The following SLC7A13 variants were observed in gnomAD, a reference collection of about 807,000 sequenced individuals.
SLC7A13 encodes X-amino acid transporter 2.
A neutral mutation model predicts 32.0 loss-of-function variants in SLC7A13; 31 were observed. The observed-to-expected ratio is 0.97, with a 90% CI of 0.73 to 1.31. The LOEUF is 1.31. SLC7A13 is among the 50% of genes most tolerant of loss of function. The probability of loss-of-function intolerance (pLI) is 0.00; values close to 1 mark genes in which losing one functional copy is unlikely to be tolerated. For synonymous variants in SLC7A13, 232 were observed against 206.9 expected (o/e 1.12, Z -1.04); for missense variants, 633 against 546.9 (o/e 1.16, Z -1.57).
chr8:86,220,838 A>G (rs1466271479), intron 2 of SLC7A13, among the ~76,000 whole-genome samples: 1 of 151,986 alleles, frequency 6.6e-6, no homozygotes, highest in African/African-American at 2.4e-5. Flanking sequence ...TACTAAAAAT[A>G]CAAAAATTAG....
intron 3 of SLC7A13, among the ~76,000 whole-genome samples, 154 bp from the exon 4 acceptor site, chr8:86,214,800 T>A (rs1428940387): frequency 6.6e-6 from 1 of 152,186 alleles, no homozygotes; most frequent in Non-Finnish European, 1.5e-5. Context: ...AGAAGTCAGA[T>A]AAATGCCTGA....
intron 2 of SLC7A13, 50 bp downstream of exon 2, chr8:86,222,920 ACG>A: frequency 1.4e-6 from 2 of 1,480,884 alleles, no homozygotes; most frequent in Non-Finnish European, 1.8e-6. Flanking sequence ...AATGATAGTT[ACG>A]TTGAAAGGAC....
rs546238180 is a variant in SLC7A13, at chr8:86,214,610, C to T, written c.1216G>A (p.Asp406Asn). Reference sequence around the variant, plus strand: ...AATGGTATCACAACCAAGCCCACGTCGATGACTATTGTTGCTAATGGAAAT... The same window carrying T: ...AATGGTATCACAACCAAGCCCACGTTGATGACTATTGTTGCTAATGGAAAT... ...LSFPLATIVI[D>N]VGLVVIPLVK... The change falls in exon 4 of 4, where the codon GAC (aspartate) becomes AAC (asparagine). Residue 406 changes from aspartate to asparagine, a missense_variant. Physicochemically the swap from Asp to Asn is conservative, Grantham distance 23. Transcript: ENST00000297524. 8.1e-6 allele frequency: 13 copies of T among 1,612,928 alleles called. No homozygotes were observed. In the South Asian group the frequency reaches 9.9e-5, roughly 12 times the overall value.
At chr8:86,216,304 C>A (rs959102596) in intron 3 of SLC7A13, among the ~76,000 whole-genome samples, 4 of 152,124 alleles carry the variant, frequency 2.6e-5, no homozygotes, top group Admixed American at 6.6e-5. Flanking sequence ...GGCCATCAGC[C>A]CTGCTCTAGA....
rs1820446294 is a variant in SLC7A13 at position 86,229,587 on chromosome 8, T to C, written c.685+6A>G. ...TTTTAGATTTTTTTCCTCAATGGAT[T>C]GTTACCTGCTATAAGTGTAAAGCAT... On this transcript the variant is annotated splice_donor_region_variant and intron_variant, in intron 1 of 3. Coordinates refer to ENST00000297524, the MANE Select transcript of SLC7A13 (RefSeq NM_138817.3). 2.5e-6 allele frequency: 4 copies of C among 1,603,226 alleles called. No homozygotes were observed. In the South Asian group the frequency reaches 4.5e-5, roughly 18 times the overall value.
In SLC7A13 at chr8:86,217,663, G is replaced by T; in HGVS notation, c.986C>A (p.Thr329Lys). ...QEGQLPLLFN[T>K]LNSHSSPFTA... ...AAATGGAGAAGAGTGACTATTAAGT[G>T]TATTAAATAGCAAAGGCAGCTGGCC... The change falls in exon 3 of 4, where the codon ACA becomes AAA. Residue 329 changes from threonine (T) to lysine (K), a missense_variant. Transcript: ENST00000297524. The T allele has an allele frequency of 1.1e-5, 18 of 1,613,290 alleles. No homozygotes were observed. The highest frequency in any genetic ancestry group is 1.5e-5 in the Non-Finnish European group (18 of 1,179,474).
chr8:86,217,471 T>G lies in SLC7A13; in HGVS notation c.1178A>C (p.Lys393Thr). 2 of 1,540,254 alleles carry G rather than the reference T, an allele frequency of 1.3e-6. No individual in the cohort carries two copies. Among genetic ancestry groups the G allele is most frequent in the South Asian group, 2.6e-5 (2 of 77,624 alleles). Residue 393 changes from lysine to threonine, a missense_variant and splice_region_variant, in exon 3 of 4, where the codon AAG (lysine) becomes ACG (threonine). By Grantham distance (78) the Lys-to-Thr change is moderately conservative. Transcript: ENST00000297524. ...YQEPNLSIPY[K>T]VFLSFPLATI... ...AAAGAATTAGAAATCCAATTTTACC[T>G]TATAAGGTATAGATAGATTGGGTTC...
rs763534958 is a variant in SLC7A13 at position 86,229,968 on chromosome 8, C to T, written c.310G>A (p.Gly104Arg). The T allele has an allele frequency of 1.9e-6, 3 of 1,614,136 alleles. No individual in the cohort carries two copies. Among genetic ancestry groups the T allele is most frequent in the South Asian group, 2.2e-5 (2 of 91,084 alleles). ...FLNLWTSLFL[G>R]SGVVAGQALL... is the part of the protein sequence containing the mutation. The stretch of plus-strand genomic sequence containing the variant: ...GCTTGGCCAGCAACTACCCCTGACC[C>T]CAGAAACAAGGATGTCCAGAGATTC... Residue 104 changes from glycine to arginine, a missense_variant, in exon 1 of 4, where the codon GGG (glycine) becomes AGG (arginine). Physicochemically the swap from Gly to Arg is moderately radical, Grantham distance 125. Transcript: ENST00000297524.
At chr8:86,222,231 G>A (rs538995810) in intron 2 of SLC7A13, among the ~76,000 whole-genome samples, 1 of 152,252 alleles carries the variant, frequency 6.6e-6, no homozygotes, top group East Asian at 1.9e-4. Context: ...AGTCCTAAAG[G>A]TACTGGGTGA....
At chr8:86,225,395 T>C (rs1419248035) in intron 1 of SLC7A13, among the ~76,000 whole-genome samples, 2 of 152,186 alleles carry the variant, frequency 1.3e-5, no homozygotes, top group Admixed American at 1.3e-4. Flanking sequence ...TCCTAGTGTT[T>C]AGCATATAAT....
At position 86,222,989 on chromosome 8, in the gene SLC7A13, C is replaced by T. The variant is rs202012914; in HGVS notation, c.800G>A (p.Arg267Lys). Residue 267 changes from arginine to lysine, a missense_variant, in exon 2 of 4, where the codon AGG (arginine) becomes AAG (lysine). Physicochemically the swap from Arg to Lys is conservative, Grantham distance 26. Coordinates refer to ENST00000297524, the MANE Select transcript of SLC7A13 (RefSeq NM_138817.3). The part of the protein sequence containing the change: ...NISYLTVLTP[R>K]EILSSDAVAI... Reference sequence around the variant, plus strand: ...ATACAAACCTGAAGAGAGAATTTCCCTGGGTGTCAGAACAGTCAGATAGGA... The same window carrying T: ...ATACAAACCTGAAGAGAGAATTTCCTTGGGTGTCAGAACAGTCAGATAGGA... 58 of 1,603,718 alleles carry T rather than the reference C, an allele frequency of 3.6e-5. No homozygotes were observed. In the East Asian group the frequency reaches 1.3e-3, roughly 35 times the overall value.
chr8:86,217,599 T>G lies in SLC7A13; in HGVS notation c.1050A>C (p.Ala350=), dbSNP rs1393131885. The change falls in exon 3 of 4, where the codon GCA becomes GCC. Residue 350 remains alanine (A), a synonymous_variant. Coordinates refer to ENST00000297524, the MANE Select transcript of SLC7A13 (RefSeq NM_138817.3). ...VLLLVTLGSL[A]IILTSLIDLI... Reference sequence around the variant, plus strand: ...AATCAATTAGACTTGTTAAGATAATTGCAAGGGATCCCAAAGTGACAAGTA... The same window carrying G: ...AATCAATTAGACTTGTTAAGATAATGGCAAGGGATCCCAAAGTGACAAGTA... 6.2e-7 allele frequency: 1 copy of G among 1,613,478 alleles called. No homozygotes were observed. The highest frequency in any genetic ancestry group is 1.7e-5 in the Admixed American group (1 of 59,962).
chr8:86,223,351 G>A lies in SLC7A13; in HGVS notation c.686-248C>T, dbSNP rs144122755. ...TCCCTCTCCCTTCCAAGTCTCTGTG[G>A]TTCATCATTTTACTCTCTACATCCA... On this transcript the variant is annotated intron_variant, in intron 1 of 3. Coordinates refer to ENST00000297524, the MANE Select transcript of SLC7A13 (RefSeq NM_138817.3). Among the ~76,000 whole-genome samples the A allele has an allele frequency of 5.0e-3, 754 of 151,962 alleles. 6 individuals carry two copies. The highest frequency in any genetic ancestry group is 0.017 in the African/African-American group (689 of 41,438).
Position 86,217,581 on chromosome 8 carries a change from T to A in SLC7A13, c.1068A>T (p.Leu356=), listed in dbSNP as rs1185493678. 1 of 1,613,322 alleles carries A rather than the reference T, an allele frequency of 6.2e-7. No homozygotes were observed. The highest frequency in any genetic ancestry group is 8.5e-7 in the Non-Finnish European group (1 of 1,179,596). The change falls in exon 3 of 4, where the codon CTA becomes CTT. Residue 356 remains leucine (L), a synonymous_variant. Coordinates refer to ENST00000297524, the MANE Select transcript of SLC7A13 (RefSeq NM_138817.3). Reference sequence around the variant, plus strand: ...AAAAAATATAGTTTATCAAATCAATTAGACTTGTTAAGATAATTGCAAGGG... The same window carrying A: ...AAAAAATATAGTTTATCAAATCAATAAGACTTGTTAAGATAATTGCAAGGG... ...LGSLAIILTS[L]IDLINYIFFT...
At chr8:86,221,208 C>T (rs1473162222) in intron 2 of SLC7A13, among the ~76,000 whole-genome samples, 2 of 151,872 alleles carry the variant, frequency 1.3e-5, no homozygotes, top group African/African-American at 4.8e-5. Flanking sequence ...TTTAACATTG[C>T]CCCTTTTCTT....
In SLC7A13 at chr8:86,219,869, T is replaced by C. The variant is rs147484151; in HGVS notation, c.818-2038A>G. Among the ~76,000 whole-genome samples, 877 of 152,262 alleles carry C rather than the reference T, an allele frequency of 5.8e-3. 5 individuals carry two copies. The highest frequency in any genetic ancestry group is 9.5e-3 in the Non-Finnish European group (648 of 68,006). ...TCATTCCTCCCATTCTTGATAGTTG[T>C]TCAAGTCTCCTTAGAGTAAATTCTT... On this transcript the variant is annotated intron_variant, in intron 2 of 3. Transcript: ENST00000297524.
rs1820147721 is a variant in SLC7A13, at chr8:86,214,640, A to G, written c.1186T>C (p.Leu396=). Residue 396 remains leucine, a synonymous_variant, in exon 4 of 4, where the codon TTG becomes CTG. Transcript: ENST00000297524. ...PNLSIPYKVF[L]SFPLATIVID... ...ACTATTGTTGCTAATGGAAATGACA[A>G]AAACACCTGAAAAGAGCAAAGTTTG... 3.7e-6 allele frequency: 6 copies of G among 1,602,574 alleles called. No individual in the cohort carries two copies. The African/African-American group carries it at 6.7e-5, about 18-fold the overall frequency.
chr8:86,217,148 G>T (rs147447636), intron 3 of SLC7A13, among the ~76,000 whole-genome samples: 246 of 152,282 alleles, frequency 1.6e-3, no homozygotes, highest in African/African-American at 5.7e-3. Flanking sequence ...GGCCCTGACT[G>T]TGGAAGACAT....
Position 86,217,552 on chromosome 8 carries a change from G to T in SLC7A13, c.1097C>A (p.Thr366Lys), listed in dbSNP as rs374838146. 2.7e-5 allele frequency: 43 copies of T among 1,612,170 alleles called. No homozygotes were observed. Among genetic ancestry groups the T allele is most frequent in the Non-Finnish European group, 3.6e-5 (42 of 1,179,110 alleles). ...LIDLINYIFF[T>K]GSLWSILLMI... is the part of the protein sequence containing the mutation. ...TAATAATATAGACCATAATGAACCCGTGAAAAAAATATAGTTTATCAAATC... is the reference window on the plus strand; with the variant it reads ...TAATAATATAGACCATAATGAACCCTTGAAAAAAATATAGTTTATCAAATC... Residue 366 changes from threonine to lysine, a missense_variant, in exon 3 of 4, where the codon ACG (threonine) becomes AAG (lysine). By Grantham distance (78) the Thr-to-Lys change is moderately conservative. Coordinates refer to ENST00000297524, the MANE Select transcript of SLC7A13 (RefSeq NM_138817.3).
Sources: gnomAD v4.1 joint callset for allele counts (sites outside exome capture counted in the v4.1 genomes callset) on GRCh38, gnomAD v4.1.1 for gene constraint, MANE v1.5 for transcripts, NCBI Gene and HGNC (gene_info 2026-07-23, HGNC 2026-07-21) for gene names.